Variants in FNBP1 observed in about 807,000 individuals in gnomAD.
FNBP1 encodes the protein formin binding protein 1.
Under a neutral mutation model 90.6 loss-of-function variants are expected in FNBP1, and 26 were observed. The ratio of observed to expected loss-of-function variants is 0.29; its 90% CI spans 0.21 to 0.40. FNBP1 has a LOEUF of 0.40. Among genes scored for constraint, FNBP1 ranks in the 10% least tolerant of loss-of-function variants. FNBP1 has a pLI of 1.00. For missense variants in FNBP1, 635 were observed against 768.0 expected (o/e 0.83, Z 2.05); for synonymous variants, 260 against 265.2 (o/e 0.98, Z 0.19).
rs759399985 is a variant in FNBP1 at position 129,899,948 on chromosome 9, C to A, written c.1687+17G>T. 6.4e-7 allele frequency: 1 copy of A among 1,559,150 alleles called. No individual in the cohort carries two copies. Among genetic ancestry groups the A allele is most frequent in the Non-Finnish European group, 8.7e-7 (1 of 1,152,300 alleles). On this transcript the variant is annotated intron_variant, in intron 15 of 16. Transcript: ENST00000446176. ...GTTTATAAAAGGCAGGGGAATCCAG[C>A]AGACATGAAATGTCACCTTCAAATG... is the stretch of plus-strand genomic sequence containing the variant.
At chr9:129,949,132 C>T (rs2045792595) in intron 6 of FNBP1, among the ~76,000 whole-genome samples, 2 of 152,136 alleles carry the variant, frequency 1.3e-5, no homozygotes, top group East Asian at 3.9e-4. Flanking sequence ...TGACCTATCC[C>T]AACATGTACT....
intron 4 of FNBP1, among the ~76,000 whole-genome samples, chr9:129,969,915 G>T (rs1243892048): frequency 4.3e-5 from 6 of 140,424 alleles, no homozygotes; most frequent in African/African-American, 1.6e-4. Context: ...TTGAGGTGGA[G>T]TCTCACTCTG....
chr9:129,931,391 C>T (rs1192038422), intron 6 of FNBP1, among the ~76,000 whole-genome samples: 1 of 151,978 alleles, frequency 6.6e-6, no homozygotes, highest in Non-Finnish European at 1.5e-5. Flanking sequence ...ATCACAAGAT[C>T]AGGAGATCAA....
intron 2 of FNBP1, among the ~76,000 whole-genome samples, chr9:129,992,615 G>A (rs1171729918): frequency 1.4e-5 from 2 of 141,498 alleles, no homozygotes; most frequent in Non-Finnish European, 3.0e-5. Flanking sequence ...GTGCAGTGGC[G>A]CGATCTTGGC....
chr9:129,893,893 C>T (rs1226870175), intron 16 of FNBP1, among the ~76,000 whole-genome samples: 4 of 129,814 alleles, frequency 3.1e-5, no homozygotes, highest in South Asian at 4.8e-4. Context: ...TCCATCCTGG[C>T]GACAGAGCGA....
At chr9:130,043,253 G>A (rs2059999518), upstream of FNBP1, 1 of 287,926 alleles carries the variant, frequency 3.5e-6, no homozygotes. Context: ...GGGGAGGGGC[G>A]GGGCCGGTCT....
upstream of FNBP1, among the ~76,000 whole-genome samples, chr9:130,047,796 C>T (rs1250048562): frequency 2.0e-5 from 3 of 152,022 alleles, no homozygotes; most frequent in Admixed American, 2.0e-4. Context: ...TAGAGGCAAA[C>T]AATTGTATTA....
intron 6 of FNBP1, among the ~76,000 whole-genome samples, chr9:129,950,092 G>A (rs746130291): frequency 6.6e-6 from 1 of 152,180 alleles, no homozygotes; most frequent in African/African-American, 2.4e-5. Context: ...ATCATAATGG[G>A]AGATGACATT....
chr9:129,992,424 A>T (rs2053316522), intron 2 of FNBP1, among the ~76,000 whole-genome samples: 1 of 152,112 alleles, frequency 6.6e-6, no homozygotes, highest in African/African-American at 2.4e-5. Context: ...AAATTATTTC[A>T]TTGTGTGATG....
At chr9:129,919,123 A>G in intron 10 of FNBP1, 1 of 1,000,918 alleles carries the variant, frequency 1.0e-6, no homozygotes, top group Non-Finnish European at 1.4e-6. Context: ...TGGCTGTGCC[A>G]TGACTGTATG....
At chr9:129,990,168 T>C (rs1021989033) in intron 2 of FNBP1, among the ~76,000 whole-genome samples, 4 of 152,230 alleles carry the variant, frequency 2.6e-5, no homozygotes, top group African/African-American at 9.6e-5. Flanking sequence ...CTGCAGCGTA[T>C]ACATATTTCA....
In FNBP1 at chr9:129,887,857, G is replaced by A. The variant is rs1469335319; in HGVS notation, c.*2682C>T. ...GGCAGATACGGGGGAGGAAGGAGAC[G>A]TTCACGGGAAATTCCACATTCTACT... is the stretch of plus-strand genomic sequence containing the variant. On this transcript the variant is annotated 3_prime_UTR_variant, in exon 17 of 17. Coordinates refer to ENST00000446176, the MANE Select transcript of FNBP1 (RefSeq NM_015033.3). The A allele has an allele frequency of 1.7e-5, 4 of 230,962 alleles. No homozygotes were observed. The highest frequency in any genetic ancestry group is 5.7e-5 in the Admixed American group (1 of 17,694). 14.3% of individuals were successfully genotyped at this position (230,962 alleles called of 1,614,324 possible).
At chr9:129,949,416 G>A (rs763561049) in intron 6 of FNBP1, among the ~76,000 whole-genome samples, 1 of 152,086 alleles carries the variant, frequency 6.6e-6, no homozygotes, top group African/African-American at 2.4e-5. Flanking sequence ...ACTTTATACT[G>A]TAAACTTACT....
At position 129,957,375 on chromosome 9, in the gene FNBP1, T is replaced by C. The variant is rs750293999; in HGVS notation, c.498A>G (p.Lys166=). Residue 166 remains lysine (K), a synonymous_variant, in exon 6 of 17, where the codon AAA becomes AAG. Coordinates refer to ENST00000446176, the MANE Select transcript of FNBP1 (RefSeq NM_015033.3). The surrounding 1 kb of genome is among the most constrained non-coding windows in gnomAD (Gnocchi z 4.3). ...EKMDADINVT[K]ADVEKARQQA... ...TTCACCTCACCTTTTCAACATCCGC[T>C]TTTGTGACATTGATGTCAGCGTCCA... is the stretch of plus-strand genomic sequence containing the variant. 4.2e-5 allele frequency: 68 copies of C among 1,612,310 alleles called. No individual in the cohort carries two copies. The highest frequency in any genetic ancestry group is 5.7e-5 in the Non-Finnish European group (67 of 1,178,920).
intron 6 of FNBP1, among the ~76,000 whole-genome samples, chr9:129,952,838 T>G (rs538861296): frequency 2.0e-5 from 3 of 152,194 alleles, no homozygotes; most frequent in African/African-American, 7.2e-5. Flanking sequence ...TGTAGATCAC[T>G]GGCAACATCC....
At chr9:129,950,500 T>G (rs2045995289) in intron 6 of FNBP1, among the ~76,000 whole-genome samples, 1 of 152,194 alleles carries the variant, frequency 6.6e-6, no homozygotes, top group Non-Finnish European at 1.5e-5. Context: ...CAAGTGCACT[T>G]TTTAAAAGTT....
At chr9:129,955,791 T>A (rs1002240746) in intron 6 of FNBP1, among the ~76,000 whole-genome samples, 2 of 150,184 alleles carry the variant, frequency 1.3e-5, no homozygotes, top group Non-Finnish European at 3.0e-5. Flanking sequence ...AGAGACCATA[T>A]CTCGGTATCT....
At chr9:130,039,370 A>G (rs534869873) in intron 1 of FNBP1, among the ~76,000 whole-genome samples, 73 of 152,284 alleles carry the variant, frequency 4.8e-4, no homozygotes, top group Non-Finnish European at 7.9e-4. Context: ...TTAGAACCCA[A>G]TCACTTCAAA....
chr9:129,939,736 AC>A (rs572755552), intron 6 of FNBP1, among the ~76,000 whole-genome samples: 3 of 152,300 alleles, frequency 2.0e-5, no homozygotes, highest in South Asian at 4.1e-4. Flanking sequence ...GGATACTTCT[AC>A]AATCCTGTTT....
Sources: allele counts gnomAD v4.1 joint callset (sites outside exome capture counted in the v4.1 genomes callset), GRCh38; gene constraint gnomAD v4.1.1; non-coding constraint Gnocchi (gnomAD v3.1); transcripts MANE v1.5; gene names NCBI Gene and HGNC (gene_info 2026-07-23, HGNC 2026-07-21).